PREX1: variants seen among roughly 807,000 people sequenced by gnomAD.
The protein encoded by PREX1 is phosphatidylinositol-3,4,5-trisphosphate dependent Rac exchange factor 1.
In PREX1, 41 loss-of-function variants were observed where a neutral mutation model predicts 198.3. That is an observed-to-expected ratio of 0.21 (90% CI 0.16 to 0.27). The LOEUF is 0.27. Ranked by LOEUF, PREX1 falls within the 10% of genes least tolerant of loss-of-function variation. The pLI is 1.00. For synonymous variants in PREX1, 843 were observed against 887.2 expected, an observed-to-expected ratio of 0.95 and a Z score of 0.89; for missense variants, 1,620 against 2,200.7, an observed-to-expected ratio of 0.74 and a Z score of 5.28.
chr20:48,668,032 C>T (rs1291233684), intron 14 of PREX1, among the ~76,000 whole-genome samples: 1 of 152,144 alleles, frequency 6.6e-6, no homozygotes, highest in Non-Finnish European at 1.5e-5. Flanking sequence ...TTTCTGAGTG[C>T]CCCACCTCCC....
intron 7 of PREX1, among the ~76,000 whole-genome samples, chr20:48,694,712 A>T (rs560720833): frequency 6.6e-6 from 1 of 152,274 alleles, no homozygotes; most frequent in East Asian, 1.9e-4. Context: ...GAAATAGGAG[A>T]TAGGCTGAGG....
At chr20:48,776,631 C>T (rs2090263711) in intron 1 of PREX1, among the ~76,000 whole-genome samples, 1 of 152,222 alleles carries the variant, frequency 6.6e-6, no homozygotes, top group African/African-American at 2.4e-5. Flanking sequence ...GGCTGGAGGC[C>T]TCTACTTTGC....
At chr20:48,859,572 G>A in the PREX1 span, among the ~76,000 whole-genome samples, 38 of 152,160 alleles carry the variant, frequency 2.5e-4, no homozygotes, top group Non-Finnish European at 5.9e-5. Context: ...GTGAGGATGT[G>A]GGAAAAATTT....
chr20:48,740,399 T>C (rs1201821100), intron 3 of PREX1, among the ~76,000 whole-genome samples: 1 of 152,230 alleles, frequency 6.6e-6, no homozygotes, highest in Non-Finnish European at 1.5e-5. Context: ...GAGGGCCACC[T>C]GTCTGAGGCG....
the PREX1 span, among the ~76,000 whole-genome samples, chr20:48,848,373 G>A: frequency 6.6e-6 from 1 of 151,122 alleles, no homozygotes; most frequent in East Asian, 1.9e-4. Flanking sequence ...TCCCACCTCA[G>A]CCTCCCGAGT....
At chr20:48,862,639 T>C in the PREX1 span, among the ~76,000 whole-genome samples, 1 of 151,758 alleles carries the variant, frequency 6.6e-6, no homozygotes, top group Non-Finnish European at 1.5e-5. Context: ...AACAGTTTGT[T>C]ACTCCTTGAA....
intron 1 of PREX1, among the ~76,000 whole-genome samples, chr20:48,758,850 C>A (rs746177742): frequency 6.6e-6 from 1 of 152,150 alleles, no homozygotes; most frequent in African/African-American, 2.4e-5. Context: ...CCTCACAGCA[C>A]CTGTCACCAT....
chr20:48,839,251 C>T, the PREX1 span, among the ~76,000 whole-genome samples: 1 of 152,060 alleles, frequency 6.6e-6, no homozygotes. Flanking sequence ...CTGCATTAGA[C>T]TATGGCCTAG....
In PREX1 at chr20:48,661,419, C is replaced by CAAAAAAA. The variant is rs1168247790; in HGVS notation, c.1739-1365_1739-1359dup. On this transcript the variant is annotated intron_variant, in intron 15 of 39. Transcript: ENST00000371941. Reference sequence around the variant, plus strand: ...GGGCAACAAGAGCAAAACTCCATCTCAAAAAAAAAAAAAAAAAAAAAAAAA... The same window carrying CAAAAAAA: ...GGGCAACAAGAGCAAAACTCCATCTCAAAAAAAAAAAAAAAAAAAAAAAAAAAAAAAA... Among the ~76,000 whole-genome samples, 34 of 12,026 alleles carry CAAAAAAA rather than the reference C, an allele frequency of 2.8e-3. 5 individuals are homozygous for CAAAAAAA. Among genetic ancestry groups the CAAAAAAA allele is most frequent in the Non-Finnish European group, 3.7e-3 (29 of 7,894 alleles). 7.9% of individuals were successfully genotyped at this position (12,026 alleles called of 152,430 possible). A position where few individuals can be genotyped will look rare whatever the true frequency, so the allele number is the denominator to read the frequency against.
At chr20:48,763,876 G>A (rs2090195832) in intron 1 of PREX1, among the ~76,000 whole-genome samples, 1 of 152,112 alleles carries the variant, frequency 6.6e-6, no homozygotes, top group Non-Finnish European at 1.5e-5. Flanking sequence ...TTTAGGGAGT[G>A]TCAACTATGT....
At chr20:48,754,623 T>C (rs143031006) in intron 1 of PREX1, among the ~76,000 whole-genome samples, 2,392 of 139,088 alleles carry the variant, frequency 0.017, 65 homozygotes, top group African/African-American at 0.06. Context: ...ACCTCTGCCG[T>C]GGCTGGGGTG....
chr20:48,715,625 A>G (rs2049080171), intron 5 of PREX1, among the ~76,000 whole-genome samples: 1 of 152,210 alleles, frequency 6.6e-6, no homozygotes, highest in Admixed American at 6.5e-5. Context: ...TAAGGATCCA[A>G]TGGGGTGATG....
chr20:48,867,314 C>T, the PREX1 span, among the ~76,000 whole-genome samples: 1,505 of 152,306 alleles, frequency 9.9e-3, 19 homozygotes, highest in African/African-American at 0.034. Flanking sequence ...TCCAAGGCCA[C>T]CCAGCAAGTT....
At chr20:48,813,916 C>T (rs2090447767) in intron 1 of PREX1, among the ~76,000 whole-genome samples, 2 of 152,214 alleles carry the variant, frequency 1.3e-5, no homozygotes, top group Admixed American at 6.5e-5. Context: ...ACTGACACCT[C>T]CACTGTATTT....
intron 3 of PREX1, among the ~76,000 whole-genome samples, chr20:48,744,429 G>A (rs1332284453): frequency 6.6e-6 from 1 of 152,172 alleles, no homozygotes; most frequent in Admixed American, 6.5e-5. Context: ...GGCTAGCTTG[G>A]GTTCTTCTGT....
At chr20:48,710,259 T>G (rs2089924461) in intron 5 of PREX1, among the ~76,000 whole-genome samples, 1 of 152,198 alleles carries the variant, frequency 6.6e-6, no homozygotes, top group African/African-American at 2.4e-5. Context: ...CGGAGTGTAT[T>G]TCGACTCATT....
intron 5 of PREX1, 84 bp downstream of exon 5, chr20:48,726,206 C>G: frequency 1.7e-6 from 2 of 1,169,096 alleles, no homozygotes; most frequent in Non-Finnish European, 2.5e-6. Flanking sequence ...TGCTGCTAGA[C>G]TTCTCAGATA....
At chr20:48,739,808 C>T (rs1163811711) in intron 3 of PREX1, among the ~76,000 whole-genome samples, 1 of 152,222 alleles carries the variant, frequency 6.6e-6, no homozygotes, top group Non-Finnish European at 1.5e-5. Context: ...TGCTTCCTAG[C>T]TCTGTAAGCT....
chr20:48,862,991 A>G, the PREX1 span, among the ~76,000 whole-genome samples: 1 of 150,720 alleles, frequency 6.6e-6, no homozygotes, highest in Non-Finnish European at 1.5e-5. Flanking sequence ...CATCCAACTC[A>G]TTTTTTATTT....
Sources: allele counts gnomAD v4.1 joint callset (sites outside exome capture counted in the v4.1 genomes callset), GRCh38; gene constraint gnomAD v4.1.1; transcripts MANE v1.5; gene names NCBI Gene and HGNC (gene_info 2026-07-23, HGNC 2026-07-21).